Variants in NUP160 observed in about 807,000 individuals in gnomAD.
NUP160 encodes the protein nucleoporin 160, also known as nuclear pore complex protein Nup160.
Under a neutral mutation model 196.9 loss-of-function variants are expected in NUP160, and 94 were observed. That is an observed-to-expected ratio of 0.48 (90% confidence interval 0.40 to 0.57). NUP160 has a LOEUF of 0.57. NUP160 is among the 20% of genes least tolerant of loss of function. The probability of loss-of-function intolerance (pLI) is 0.00; values close to 1 mark genes in which losing one functional copy is unlikely to be tolerated. For missense variants in NUP160, 1,638 were observed against 1,748.3 expected, an observed-to-expected ratio of 0.94 and a Z score of 1.13; for synonymous variants, 605 against 619.7, an observed-to-expected ratio of 0.98 and a Z score of 0.35.
chr11:47,807,567 T>G (rs955356582), intron 18 of NUP160, among the ~76,000 whole-genome samples: 20 of 152,004 alleles, frequency 1.3e-4, no homozygotes, highest in Middle Eastern at 3.4e-3. Flanking sequence ...CTCTGGAAGC[T>G]GAGGCAGCAA....
intron 31 of NUP160, 36 bp from the exon 32 acceptor site, chr11:47,786,590 C>G (rs772281390): frequency 7.9e-7 from 1 of 1,270,630 alleles, no homozygotes; most frequent in South Asian, 1.2e-5. Flanking sequence ...GAAAACTGAA[C>G]GCTGAAACGT....
Position 47,805,447 on chromosome 11 carries a change from C to CT in NUP160, c.2606+705dup, listed in dbSNP as rs34487443. On this transcript the variant is annotated intron_variant, in intron 20 of 35. Transcript: ENST00000378460. ...CAGCACCCAGCCAAATGAATAATGT[C>CT]TTTTTTTTTTTTTTTGAGACGGAGT... is the stretch of plus-strand genomic sequence containing the variant. Among the ~76,000 whole-genome samples, 147 of 133,306 alleles carry CT rather than the reference C, an allele frequency of 1.1e-3. 3 individuals are homozygous for CT. Among genetic ancestry groups the CT allele is most frequent in the Non-Finnish European group, 1.0e-3 (64 of 63,790 alleles). The allele number at this position is 133,306 out of a possible 152,430, so 87.5% of individuals were successfully genotyped here.
intron 28 of NUP160, 55 bp from the exon 29 acceptor site, chr11:47,792,045 T>TTCA: frequency 8.3e-7 from 1 of 1,197,656 alleles, no homozygotes; most frequent in Non-Finnish European, 1.2e-6. Flanking sequence ...TATTCTGATA[T>TTCA]CATTAACGGT....
intron 27 of NUP160, chr11:47,796,378 G>A: frequency 3.6e-6 from 2 of 559,512 alleles, no homozygotes; most frequent in South Asian, 2.3e-5. Flanking sequence ...ACAAATTGCT[G>A]TTCTAAATGT....
chr11:47,835,691 A>C (rs751051492), exon 7 of NUP160: 1 of 1,603,170 alleles, frequency 6.2e-7, no homozygotes, highest in Non-Finnish European at 8.5e-7. Context: ...CCCCAGGTAG[A>C]GTCCCATGGT....
chr11:47,813,258 C>T (rs575047173), intron 14 of NUP160, 58 bp downstream of exon 14: 38 of 1,288,758 alleles, frequency 2.9e-5, no homozygotes, highest in Admixed American at 2.7e-4. Flanking sequence ...CCATGTGAAA[C>T]GAAGCATAGG....
At chr11:47,821,777 G>C (rs1419095402) in exon 9 of NUP160, 1 of 1,614,058 alleles carries the variant, frequency 6.2e-7, no homozygotes, top group East Asian at 2.2e-5. Context: ...CATGCCACAG[G>C]GCCCAGATAT....
chr11:47,803,405 A>G lies in NUP160; in HGVS notation c.2775+33T>C, dbSNP rs535011372. The G allele has an allele frequency of 6.1e-5, 80 of 1,320,122 alleles. No individual in the cohort carries two copies. The South Asian group carries it at 8.7e-4, about 14-fold the overall frequency. The allele number at this position is 1,320,122 out of a possible 1,614,324, so 81.8% of individuals were successfully genotyped here. ...AAGCAACTTCCTTGCGTTAAAGTTTATAAAGTTTATTTGCCATTCAAATGT... is the reference window on the plus strand; with the variant it reads ...AAGCAACTTCCTTGCGTTAAAGTTTGTAAAGTTTATTTGCCATTCAAATGT... On this transcript the variant is annotated intron_variant, in intron 22 of 35. Coordinates refer to ENST00000378460, the Ensembl canonical transcript of NUP160.
chr11:47,834,216 G>A (rs980458195), intron 7 of NUP160, among the ~76,000 whole-genome samples: 2 of 152,082 alleles, frequency 1.3e-5, no homozygotes, highest in African/African-American at 4.8e-5. Context: ...AGGGTCCCGA[G>A]ACCAAAAGTT....
intron 2 of NUP160, among the ~76,000 whole-genome samples, chr11:47,845,667 A>T (rs2135407382): frequency 1.3e-5 from 2 of 152,162 alleles, no homozygotes; most frequent in East Asian, 3.9e-4. Context: ...TTCCCTAAAA[A>T]CGGACTGAAA....
intron 30 of NUP160, 73 bp from the exon 31 acceptor site, chr11:47,788,378 G>T: frequency 1.3e-6 from 2 of 1,591,072 alleles, no homozygotes; most frequent in Admixed American, 1.7e-5. Context: ...TTGTTTTGTT[G>T]ATGAGTATCT....
intron 34 of NUP160, among the ~76,000 whole-genome samples, chr11:47,782,311 T>A (rs1287716446): frequency 0.11 from 895 of 7,824 alleles, 208 homozygotes; most frequent in African/African-American, 0.42. Context: ...AAAATATATA[T>A]ATATATATAT....
chr11:47,847,768 A>C (rs920517242), intron 2 of NUP160, 80 bp downstream of exon 2: 4 of 880,364 alleles, frequency 4.5e-6, no homozygotes, highest in African/African-American at 1.6e-5. Context: ...CGCTTCTAGA[A>C]TAGCACTTTG....
chr11:47,808,732 C>T (rs2097679208), intron 17 of NUP160, among the ~76,000 whole-genome samples: 1 of 152,034 alleles, frequency 6.6e-6, no homozygotes, highest in South Asian at 2.1e-4. Flanking sequence ...AAACAGCTCA[C>T]CAAGTAACGG....
Position 47,832,058 on chromosome 11 carries a change from C to T in NUP160, c.1101+3593G>A, listed in dbSNP as rs542853287. Among the ~76,000 whole-genome samples the T allele has an allele frequency of 1.1e-4, 17 of 151,896 alleles. No individual in the cohort carries two copies. The South Asian group carries it at 2.9e-3, about 26-fold the overall frequency. On this transcript the variant is annotated intron_variant, in intron 7 of 35. Transcript: ENST00000378460. ...CTGGGACTACAGGCATGCACCACTA[C>T]GCCCAGCTAATTTTTGTATTTTTAG...
At chr11:47,815,004 G>T (rs144153422) in intron 13 of NUP160, 17,490 of 152,278 alleles carry the variant, frequency 0.11, 1,170 homozygotes, top group Non-Finnish European at 0.15. Context: ...GCTGAGGCGG[G>T]TGAATCACCT....
chr11:47,804,732 G>A lies in NUP160; in HGVS notation c.2607-114C>T, dbSNP rs1275347349. 8 of 665,772 alleles carry A rather than the reference G, an allele frequency of 1.2e-5. No homozygotes were observed. The East Asian group carries it at 2.5e-4, about 21-fold the overall frequency. The allele number at this position is 665,772 out of a possible 1,614,324, so 41.2% of individuals were successfully genotyped here. On this transcript the variant is annotated intron_variant, in intron 20 of 35. Transcript: ENST00000378460. ...TAGCTTAATTTACATAAACAAGGCA[G>A]AGAAGTTGGCCAACCACATGTTCTT... is the stretch of plus-strand genomic sequence containing the variant.
At chr11:47,815,678 A>G (rs749741747) in intron 12 of NUP160, 29 bp from the exon 13 acceptor site, 1 of 1,535,718 alleles carries the variant, frequency 6.5e-7, no homozygotes, top group Non-Finnish European at 8.8e-7. Flanking sequence ...AAGAAATTAA[A>G]CTTTTGATGC....
chr11:47,811,823 T>C (rs936458960), intron 17 of NUP160, among the ~76,000 whole-genome samples: 2 of 152,130 alleles, frequency 1.3e-5, no homozygotes, highest in Non-Finnish European at 2.9e-5. Context: ...TCTGATGTTC[T>C]CCCTCCCCAC....
Sources: allele counts gnomAD v4.1 joint callset (sites outside exome capture counted in the v4.1 genomes callset), GRCh38; gene constraint gnomAD v4.1.1; transcripts MANE v1.5; gene names NCBI Gene and HGNC (gene_info 2026-07-23, HGNC 2026-07-21).